SLC44A5: variants seen among roughly 807,000 people sequenced by gnomAD.
SLC44A5 encodes the protein choline transporter-like protein 5.
In SLC44A5, 57 loss-of-function variants were observed where a neutral mutation model predicts 101.8. The observed-to-expected ratio is 0.56, with a 90% CI of 0.45 to 0.70. The LOEUF (loss-of-function observed/expected upper bound fraction) is 0.70. Among genes scored for constraint, SLC44A5 ranks in the 30% least tolerant of loss-of-function variants. SLC44A5 has a pLI of 0.00. For missense variants in SLC44A5, 737 were observed against 853.1 expected (o/e 0.86, Z 1.70); for synonymous variants, 281 against 290.9 (o/e 0.97, Z 0.35).
the SLC44A5 span, among the ~76,000 whole-genome samples, chr1:75,699,356 G>A: frequency 9.2e-5 from 14 of 151,880 alleles, no homozygotes; most frequent in African/African-American, 2.7e-4. Flanking sequence ...TTCAACATTC[G>A]TAAAGAAAAG....
the SLC44A5 span, among the ~76,000 whole-genome samples, chr1:75,680,848 A>C: frequency 6.6e-6 from 1 of 151,762 alleles, no homozygotes; most frequent in Non-Finnish European, 1.5e-5. Context: ...GGATCAACAA[A>C]ATTGATAGAC....
At chr1:75,633,918 T>A in the SLC44A5 span, among the ~76,000 whole-genome samples, 1 of 151,260 alleles carries the variant, frequency 6.6e-6, no homozygotes, top group Non-Finnish European at 1.5e-5. Context: ...TTATTGAGAG[T>A]TCTTAGCATG....
At chr1:75,529,078 TG>T (rs1413174170) in intron 2 of SLC44A5, among the ~76,000 whole-genome samples, 8 of 152,206 alleles carry the variant, frequency 5.3e-5, no homozygotes, top group Non-Finnish European at 1.2e-4. Context: ...AGGATGGTAA[TG>T]ACAAATATTT....
chr1:75,715,461 G>A, the SLC44A5 span, among the ~76,000 whole-genome samples: 1 of 152,104 alleles, frequency 6.6e-6, no homozygotes, highest in Non-Finnish European at 1.5e-5. Flanking sequence ...AAGACCAATG[G>A]AATAGAATAG....
At chr1:75,622,645 C>A in the SLC44A5 span, among the ~76,000 whole-genome samples, 28 of 152,196 alleles carry the variant, frequency 1.8e-4, no homozygotes, top group East Asian at 4.4e-3. Context: ...TGGAAGGACA[C>A]TGTCAGACAT....
intron 2 of SLC44A5, among the ~76,000 whole-genome samples, chr1:75,514,217 T>A (rs1283354389): frequency 6.6e-6 from 1 of 152,194 alleles, no homozygotes; most frequent in Non-Finnish European, 1.5e-5. Context: ...TCTTCACATT[T>A]GTTTGAACCA....
chr1:75,459,030 G>T (rs1666346079), intron 2 of SLC44A5, among the ~76,000 whole-genome samples: 1 of 152,148 alleles, frequency 6.6e-6, no homozygotes, highest in Admixed American at 6.5e-5. Context: ...CCAGAAGAAT[G>T]GATGAGCTCA....
chr1:75,269,778 T>C (rs1338777242), intron 6 of SLC44A5, among the ~76,000 whole-genome samples: 1 of 152,184 alleles, frequency 6.6e-6, no homozygotes, highest in East Asian at 1.9e-4. Context: ...GTTACTATCA[T>C]GATATATTTA....
intron 13 of SLC44A5, among the ~76,000 whole-genome samples, chr1:75,224,334 T>A (rs1647152068): frequency 6.6e-6 from 1 of 152,216 alleles, no homozygotes. Context: ...TACTACACAA[T>A]AATTTTTGTT....
intron 3 of SLC44A5, among the ~76,000 whole-genome samples, chr1:75,351,799 C>T (rs1328752286): frequency 8.3e-6 from 1 of 120,964 alleles, no homozygotes; most frequent in African/African-American, 3.3e-5. Flanking sequence ...CCCACCCCCC[C>T]AAACCATCCC....
intron 2 of SLC44A5, among the ~76,000 whole-genome samples, chr1:75,515,256 C>G (rs1342477846): frequency 6.6e-6 from 1 of 152,102 alleles, no homozygotes. Context: ...ATATTCATCA[C>G]GTCAAATACT....
chr1:75,249,478 G>A (rs1649382351), intron 7 of SLC44A5, among the ~76,000 whole-genome samples: 1 of 152,076 alleles, frequency 6.6e-6, no homozygotes, highest in Non-Finnish European at 1.5e-5. Flanking sequence ...CAGCAATGGT[G>A]TGGCCTGGAG....
chr1:75,458,479 T>C (rs2101684989), intron 2 of SLC44A5, among the ~76,000 whole-genome samples: 1 of 152,234 alleles, frequency 6.6e-6, no homozygotes, highest in African/African-American at 2.4e-5. Flanking sequence ...AGGGAAACAG[T>C]CCTGGAGGAT....
chr1:75,700,179 C>T, the SLC44A5 span, among the ~76,000 whole-genome samples: 1 of 152,152 alleles, frequency 6.6e-6, no homozygotes, highest in Non-Finnish European at 1.5e-5. Context: ...ACAGAAATCT[C>T]CACCCCGAAT....
chr1:75,331,977 T>A (rs1302452194), intron 4 of SLC44A5, among the ~76,000 whole-genome samples: 4 of 152,192 alleles, frequency 2.6e-5, no homozygotes, highest in Non-Finnish European at 5.9e-5. Context: ...TCTGTTTTAC[T>A]CTCTTCCTCT....
chr1:75,219,760 G>A (rs1481038666), intron 15 of SLC44A5, 40 bp downstream of exon 15: 3 of 1,318,558 alleles, frequency 2.3e-6, no homozygotes, highest in Non-Finnish European at 3.3e-6. Flanking sequence ...GAGTAGTCAT[G>A]TGAACCTGAG....
At chr1:75,448,407 C>T (rs1448744402) in intron 2 of SLC44A5, among the ~76,000 whole-genome samples, 3 of 152,162 alleles carry the variant, frequency 2.0e-5, no homozygotes, top group African/African-American at 4.8e-5. Flanking sequence ...ATTTAGTTCA[C>T]GATCATATGT....
intron 2 of SLC44A5, among the ~76,000 whole-genome samples, chr1:75,507,480 A>G (rs922192137): frequency 1.3e-5 from 2 of 151,986 alleles, no homozygotes; most frequent in Admixed American, 1.3e-4. Flanking sequence ...TTTTGTGTCT[A>G]TGTTTATTAG....
At chr1:75,694,729 CA>C in the SLC44A5 span, among the ~76,000 whole-genome samples, 3 of 152,096 alleles carry the variant, frequency 2.0e-5, no homozygotes, top group African/African-American at 4.8e-5. Flanking sequence ...ATAGAAATTG[CA>C]CTGTCTTTAA....
Sources: gnomAD v4.1 joint callset for allele counts (sites outside exome capture counted in the v4.1 genomes callset) on GRCh38, gnomAD v4.1.1 for gene constraint, MANE v1.5 for transcripts, NCBI Gene and HGNC (gene_info 2026-07-23, HGNC 2026-07-21) for gene names.